ADAMTSL1: variants seen among roughly 807,000 people sequenced by gnomAD.
ADAMTSL1 encodes ADAMTS-like protein 1.
Under a neutral mutation model 201.8 loss-of-function variants are expected in ADAMTSL1, and 126 were observed. The ratio of observed to expected loss-of-function variants is 0.62; its 90% confidence interval spans 0.54 to 0.72. The LOEUF (loss-of-function observed/expected upper bound fraction) is 0.72, where lower values mean the gene tolerates loss of function less well. Ranked by LOEUF, ADAMTSL1 falls within the 30% of genes least tolerant of loss-of-function variation. The pLI is 0.00. For missense variants in ADAMTSL1, 2,679 were observed against 2,277.8 expected (o/e 1.18, Z -3.59); for synonymous variants, 1,121 against 903.4 (o/e 1.24, Z -4.32).
chr9:18,422,870 C>T (rs528616500), intron 2 of ADAMTSL1, among the ~76,000 whole-genome samples: 7 of 152,326 alleles, frequency 4.6e-5, no homozygotes, highest in African/African-American at 1.4e-4. Flanking sequence ...GACTTTATCA[C>T]TTGAGGGCAA....
chr9:18,892,650 T>C, intron 26 of ADAMTSL1, 54 bp downstream of exon 26: 1 of 1,523,700 alleles, frequency 6.6e-7, no homozygotes, highest in Non-Finnish European at 8.8e-7. Flanking sequence ...GAATGGACCC[T>C]GCCACAGTAG....
chr9:18,909,861 C>T lies in ADAMTSL1; in HGVS notation c.*1313C>T, dbSNP rs1830510980. On this transcript the variant is annotated 3_prime_UTR_variant, in exon 29 of 29. Transcript: ENST00000380548. ...CAGCACCCTGGCAAAGCAGCTCACA[C>T]ACTGCAGCCACACTCATCAGCTGTG... 1 of 152,264 alleles carries T rather than the reference C, an allele frequency of 6.6e-6. No individual in the cohort carries two copies. Among genetic ancestry groups the T allele is most frequent in the Non-Finnish European group, 1.5e-5 (1 of 68,074 alleles). The allele number at this position is 152,264 out of a possible 1,614,324, so 9.4% of individuals were successfully genotyped here. A position where few individuals can be genotyped will look rare whatever the true frequency, so the allele number is the denominator to read the frequency against.
chr9:18,482,481 C>G (rs1821778424), intron 1 of ADAMTSL1, among the ~76,000 whole-genome samples: 1 of 152,146 alleles, frequency 6.6e-6, no homozygotes, highest in Non-Finnish European at 1.5e-5. Context: ...TGTCCAGGGA[C>G]TTTCTCTAAG....
chr9:18,550,999 A>G (rs754017439), intron 3 of ADAMTSL1, among the ~76,000 whole-genome samples: 1 of 151,932 alleles, frequency 6.6e-6, no homozygotes, highest in Non-Finnish European at 1.5e-5. Context: ...TAGAAATATC[A>G]TCTATAGCTT....
At chr9:17,957,740 T>C (rs1005861891) in intron 1 of ADAMTSL1, among the ~76,000 whole-genome samples, 3 of 152,150 alleles carry the variant, frequency 2.0e-5, no homozygotes, top group African/African-American at 7.2e-5. Flanking sequence ...CTGGTGTCCA[T>C]GTAAGAAGAG....
intron 2 of ADAMTSL1, among the ~76,000 whole-genome samples, chr9:18,178,754 C>A (rs1480942880): frequency 2.0e-5 from 3 of 152,012 alleles, no homozygotes; most frequent in African/African-American, 4.8e-5. Context: ...GAGGCACCCC[C>A]AAGCAGGGGC....
At chr9:18,356,637 A>T (rs942780341) in intron 2 of ADAMTSL1, among the ~76,000 whole-genome samples, 1 of 146,920 alleles carries the variant, frequency 6.8e-6, no homozygotes, top group Non-Finnish European at 1.5e-5. Context: ...ACACACACAC[A>T]ACTTTCCTAC....
intron 4 of ADAMTSL1, among the ~76,000 whole-genome samples, chr9:18,590,283 G>A (rs879533015): frequency 2.0e-5 from 3 of 151,792 alleles, no homozygotes; most frequent in Admixed American, 2.0e-4. Context: ...TCCATTTCTA[G>A]GTTTTCCAAT....
At chr9:18,703,748 G>A (rs1196902404) in intron 13 of ADAMTSL1, among the ~76,000 whole-genome samples, 1 of 62,092 alleles carries the variant, frequency 1.6e-5, no homozygotes, top group African/African-American at 5.2e-5. Context: ...TTTAATTGAA[G>A]CATGATGCCT....
rs78546304 is a variant in ADAMTSL1 at position 18,650,923 on chromosome 9, G to A, written c.835-6716G>A. Reference sequence around the variant, plus strand: ...TAATAAAATACTCCCTACTCTTGAAGGAGCCTTTTTGAGGGATTAAATGAG... The same window carrying A: ...TAATAAAATACTCCCTACTCTTGAAAGAGCCTTTTTGAGGGATTAAATGAG... On this transcript the variant is annotated intron_variant, in intron 7 of 28. Coordinates refer to ENST00000380548, the MANE Select transcript of ADAMTSL1 (RefSeq NM_001040272.6). Among the ~76,000 whole-genome samples, 427 of 152,272 alleles carry A rather than the reference G, an allele frequency of 2.8e-3. 1 individual carries two copies. Among genetic ancestry groups the A allele is most frequent in the Middle Eastern group, 6.8e-3 (2 of 294 alleles).
At chr9:18,800,815 G>A (rs965213522) in intron 20 of ADAMTSL1, among the ~76,000 whole-genome samples, 4 of 152,156 alleles carry the variant, frequency 2.6e-5, no homozygotes, top group Non-Finnish European at 5.9e-5. Context: ...TCACGTGGCT[G>A]TACTAAGTAT....
chr9:18,178,866 A>T (rs1184886404), intron 2 of ADAMTSL1, among the ~76,000 whole-genome samples: 2 of 152,044 alleles, frequency 1.3e-5, no homozygotes, highest in Non-Finnish European at 2.9e-5. Context: ...CCACACCAAA[A>T]ACCCATTTGT....
At chr9:17,991,805 C>A (rs1229873136) in intron 1 of ADAMTSL1, among the ~76,000 whole-genome samples, 1 of 152,090 alleles carries the variant, frequency 6.6e-6, no homozygotes, top group Non-Finnish European at 1.5e-5. Context: ...CTCGATTATG[C>A]TAGAAGTAGT....
intron 21 of ADAMTSL1, 71 bp downstream of exon 21, chr9:18,817,308 T>A: frequency 6.9e-7 from 1 of 1,458,876 alleles, no homozygotes; most frequent in Non-Finnish European, 9.2e-7. Flanking sequence ...CAAAGACAAA[T>A]TAGACACAAA....
chr9:18,356,914 A>C (rs1175806619), intron 2 of ADAMTSL1, among the ~76,000 whole-genome samples: 1 of 152,190 alleles, frequency 6.6e-6, no homozygotes, highest in Non-Finnish European at 1.5e-5. Flanking sequence ...ATCTATGCTG[A>C]GTTTAAAGTC....
intron 2 of ADAMTSL1, among the ~76,000 whole-genome samples, chr9:18,450,906 A>G (rs1269632198): frequency 6.6e-6 from 1 of 152,256 alleles, no homozygotes; most frequent in Non-Finnish European, 1.5e-5. Context: ...TTACAAAAAA[A>G]TTGTATAAAA....
intron 3 of ADAMTSL1, among the ~76,000 whole-genome samples, chr9:18,572,289 G>A (rs939582548): frequency 1.5e-4 from 23 of 152,052 alleles, no homozygotes; most frequent in African/African-American, 3.9e-4. Flanking sequence ...GCTGGTTGTA[G>A]GTAGTTTTTG....
At chr9:18,567,036 A>G (rs973866038) in intron 3 of ADAMTSL1, among the ~76,000 whole-genome samples, 1 of 152,176 alleles carries the variant, frequency 6.6e-6, no homozygotes, top group Admixed American at 6.5e-5. Flanking sequence ...TCTTGTTTGA[A>G]ATGCAAATTA....
upstream of ADAMTSL1, among the ~76,000 whole-genome samples, chr9:18,472,569 G>A (rs1416864667): frequency 6.6e-6 from 1 of 152,124 alleles, no homozygotes; most frequent in East Asian, 1.9e-4. Context: ...ATATGAAGTA[G>A]GTAACCTAAA....
Sources: gnomAD v4.1 joint callset for allele counts (sites outside exome capture counted in the v4.1 genomes callset) on GRCh38, gnomAD v4.1.1 for gene constraint, MANE v1.5 for transcripts, NCBI Gene and HGNC (gene_info 2026-07-23, HGNC 2026-07-21) for gene names.